AGBL3: variants seen among roughly 807,000 people sequenced by gnomAD.
The protein encoded by AGBL3 is cytosolic carboxypeptidase 3.
In AGBL3, 68 loss-of-function variants were observed where a neutral mutation model predicts 94.5. That is an observed-to-expected ratio of 0.72 (90% CI 0.59 to 0.88). The LOEUF (loss-of-function observed/expected upper bound fraction) is 0.88. Ranked by LOEUF, AGBL3 falls within the 40% of genes least tolerant of loss-of-function variation. AGBL3 has a pLI of 0.00. For synonymous variants in AGBL3, 354 were observed against 370.7 expected, an observed-to-expected ratio of 0.95 and a Z score of 0.52; for missense variants, 934 against 1,103.8, an observed-to-expected ratio of 0.85 and a Z score of 2.18.
chr7:134,997,263 G>A (rs114406907), intron 4 of AGBL3, among the ~76,000 whole-genome samples: 24 of 152,238 alleles, frequency 1.6e-4, no homozygotes, highest in East Asian at 5.8e-4. Flanking sequence ...GGTAATGGTC[G>A]TTCGCCCACT....
At chr7:135,089,678 A>G (rs1821610839) in intron 15 of AGBL3, among the ~76,000 whole-genome samples, 1 of 152,250 alleles carries the variant, frequency 6.6e-6, no homozygotes, top group Non-Finnish European at 1.5e-5. Context: ...TTGTGGCAGC[A>G]GCAGCAAAGG....
chr7:135,094,328 A>C (rs1822321785), intron 15 of AGBL3: 4 of 455,986 alleles, frequency 8.8e-6, no homozygotes, highest in Non-Finnish European at 4.4e-6. Flanking sequence ...TACTACCCTG[A>C]AATCTGAAGA....
chr7:135,028,910 C>G (rs1180817371), intron 5 of AGBL3, among the ~76,000 whole-genome samples: 1 of 152,160 alleles, frequency 6.6e-6, no homozygotes, highest in African/African-American at 2.4e-5. Context: ...CAATGTTAGT[C>G]TCCAGTGCAT....
In AGBL3 at chr7:135,076,439, G is replaced by A. The variant is rs1235430270; in HGVS notation, c.1951G>A (p.Ala651Thr). 1.3e-6 allele frequency: 2 copies of A among 1,549,248 alleles called. No homozygotes were observed. The highest frequency in any genetic ancestry group is 1.4e-5 in the African/African-American group (1 of 73,086). Residue 651 changes from alanine to threonine, a missense_variant, in exon 13 of 17, where the codon GCA becomes ACA. By Grantham distance (58) the Ala-to-Thr change is moderately conservative (BLOSUM62 0). This residue lies in a region of AGBL3 where 441 missense variants were observed against 518.2 expected (regional missense o/e 0.85). Coordinates refer to ENST00000436302, the MANE Select transcript of AGBL3 (RefSeq NM_178563.4). ...KTKKERNSTI[A>T]SHQNARGQEV... ...AAAGAAGGAAAGGAATTCTACCATA[G>A]CAAGCCACCAAAATGCCAGAGGACA...
At chr7:135,000,795 C>G (rs571137137) in intron 4 of AGBL3, among the ~76,000 whole-genome samples, 2 of 152,250 alleles carry the variant, frequency 1.3e-5, no homozygotes, top group South Asian at 2.1e-4. Flanking sequence ...GGTCCAAATT[C>G]CGGCAGTCAC....
At chr7:135,076,066 T>C (rs1820418588) in intron 12 of AGBL3, among the ~76,000 whole-genome samples, 1 of 152,204 alleles carries the variant, frequency 6.6e-6, no homozygotes, top group Non-Finnish European at 1.5e-5. Context: ...AACAGGCTTA[T>C]GTAGGGATTT....
intron 4 of AGBL3, among the ~76,000 whole-genome samples, chr7:135,002,837 G>C (rs1811895389): frequency 1.3e-5 from 2 of 152,148 alleles, no homozygotes; most frequent in African/African-American, 4.8e-5. Flanking sequence ...TTATGGATGA[G>C]ATTGGAACAT....
At chr7:135,049,936 C>T (rs1373418497) in intron 11 of AGBL3, among the ~76,000 whole-genome samples, 2 of 151,358 alleles carry the variant, frequency 1.3e-5, no homozygotes, top group Non-Finnish European at 3.0e-5. Flanking sequence ...TTCCTTTCTT[C>T]TGCTAATTTT....
At chr7:134,988,025 G>A (rs1809696405) in intron 2 of AGBL3, 29 bp downstream of exon 2, 2 of 1,479,496 alleles carry the variant, frequency 1.4e-6, no homozygotes, top group East Asian at 5.0e-5. Context: ...TATTTTACTT[G>A]GAGATAAAAT....
At chr7:135,030,176 A>T (rs1815570337) in intron 5 of AGBL3, among the ~76,000 whole-genome samples, 1 of 149,368 alleles carries the variant, frequency 6.7e-6, no homozygotes, top group African/African-American at 2.5e-5. Flanking sequence ...AAAAAAAAAA[A>T]GAAAGAAAAA....
intron 4 of AGBL3, among the ~76,000 whole-genome samples, chr7:135,008,118 A>G (rs4133256): frequency 0.24 from 36,102 of 151,878 alleles, 5,326 homozygotes; most frequent in South Asian, 0.42. Context: ...GTTGCTTTGT[A>G]GAAATTGACA....
chr7:135,088,389 CTT>C (rs370718542), intron 15 of AGBL3, among the ~76,000 whole-genome samples: 34 of 152,180 alleles, frequency 2.2e-4, no homozygotes, highest in African/African-American at 7.5e-4. Flanking sequence ...TTCCTTCTCT[CTT>C]ATTGTTTATC....
intron 4 of AGBL3, chr7:135,011,731 T>C (rs1027316121): frequency 6.6e-6 from 1 of 152,154 alleles, no homozygotes; most frequent in Non-Finnish European, 1.5e-5. Flanking sequence ...CTGAGTTCTG[T>C]TTCACAGAAA....
chr7:134,987,809 G>A, intron 1 of AGBL3, 66 bp from the exon 2 acceptor site: 2 of 653,828 alleles, frequency 3.1e-6, no homozygotes, highest in Non-Finnish European at 5.4e-6. Context: ...ATATATTTTT[G>A]AGTACTCATT....
intron 11 of AGBL3, among the ~76,000 whole-genome samples, chr7:135,050,202 A>C (rs1200954082): frequency 6.6e-6 from 1 of 151,940 alleles, no homozygotes; most frequent in East Asian, 1.9e-4. Context: ...GAGAATGTGA[A>C]TATTCCAGTT....
At chr7:135,095,213 T>C (rs934286970) in intron 15 of AGBL3, among the ~76,000 whole-genome samples, 3 of 152,172 alleles carry the variant, frequency 2.0e-5, no homozygotes, top group African/African-American at 4.8e-5. Flanking sequence ...GAAACACTTA[T>C]TAAGGTCATA....
Position 135,044,016 on chromosome 7 carries a change from G to A in AGBL3, c.1501-9G>A. 2 of 1,546,672 alleles carry A rather than the reference G, an allele frequency of 1.3e-6. No homozygotes were observed. The highest frequency in any genetic ancestry group is 1.7e-6 in the Non-Finnish European group (2 of 1,143,794). ...ACAACGAGTCTCATTTTTATTTGCTGCTTTTCAGTTTTCATTCTCAGCTTG... is the reference window on the plus strand; with the variant it reads ...ACAACGAGTCTCATTTTTATTTGCTACTTTTCAGTTTTCATTCTCAGCTTG... On this transcript the variant is annotated splice_polypyrimidine_tract_variant and intron_variant, in intron 8 of 16. Coordinates refer to ENST00000436302, the MANE Select transcript of AGBL3 (RefSeq NM_178563.4).
At position 135,045,835 on chromosome 7, in the gene AGBL3, A is replaced by G. The variant is rs750444344; in HGVS notation, c.1765A>G (p.Arg589Gly). The change falls in exon 11 of 17, where the codon AGA (arginine) becomes GGA (glycine). Residue 589 changes from arginine to glycine, a missense_variant. Transcript: ENST00000436302. ...RCLKELEEME[R>G]HITLEKVFED... The stretch of plus-strand genomic sequence containing the variant: ...CCTGAAAGAATTAGAAGAAATGGAA[A>G]GACATATAACCCTGGAAAAAGTCTT... 9 of 1,550,658 alleles carry G rather than the reference A, an allele frequency of 5.8e-6. No homozygotes were observed. The highest frequency in any genetic ancestry group is 7.9e-6 in the Non-Finnish European group (9 of 1,146,334).
intron 4 of AGBL3, among the ~76,000 whole-genome samples, chr7:134,998,493 T>C (rs1811288318): frequency 6.6e-6 from 1 of 152,208 alleles, no homozygotes; most frequent in East Asian, 1.9e-4. Flanking sequence ...TGTCATAATT[T>C]TTTACCCAAA....
Sources: allele counts gnomAD v4.1 joint callset (sites outside exome capture counted in the v4.1 genomes callset), GRCh38; gene constraint gnomAD v4.1.1; regional missense constraint gnomAD v4.1.1; transcripts MANE v1.5; gene names NCBI Gene and HGNC (gene_info 2026-07-23, HGNC 2026-07-21).